The following SMARCC1 variants were observed in gnomAD, a reference collection of about 807,000 sequenced individuals.
SMARCC1 encodes the protein SWI/SNF complex subunit SMARCC1.
SMARCC1 carries 43 observed loss-of-function variants against 147.4 expected under a neutral mutation model. The ratio of observed to expected loss-of-function variants is 0.29; its 90% CI spans 0.23 to 0.38. The LOEUF is 0.38. Ranked by LOEUF, SMARCC1 falls within the 10% of genes least tolerant of loss-of-function variation. The pLI is 1.00. For missense variants in SMARCC1, 1,119 were observed against 1,381.1 expected (o/e 0.81, Z 3.01); for synonymous variants, 495 against 484.4 (o/e 1.02, Z -0.29).
intron 3 of SMARCC1, among the ~76,000 whole-genome samples, chr3:47,744,088 T>G (rs1387731657): frequency 6.6e-6 from 1 of 152,144 alleles, no homozygotes; most frequent in South Asian, 2.1e-4. Context: ...ACATCAGAGC[T>G]AGACACAGAA....
At chr3:47,674,042 T>C (rs1252873271) in intron 18 of SMARCC1, among the ~76,000 whole-genome samples, 4 of 152,354 alleles carry the variant, frequency 2.6e-5, no homozygotes, top group Non-Finnish European at 4.4e-5. Context: ...CAAACTGTTG[T>C]GTCAAATTAT....
At chr3:47,721,879 G>T (rs1393347367) in intron 6 of SMARCC1, among the ~76,000 whole-genome samples, 1 of 152,058 alleles carries the variant, frequency 6.6e-6, no homozygotes, top group African/African-American at 2.4e-5. Context: ...AAATAGCTAG[G>T]CATGGTGGTG....
intron 21 of SMARCC1, among the ~76,000 whole-genome samples, chr3:47,645,776 A>G (rs974345890): frequency 1.3e-5 from 2 of 152,238 alleles, no homozygotes; most frequent in African/African-American, 4.8e-5. Flanking sequence ...ACATTCCAAA[A>G]GGATGACACA....
intron 8 of SMARCC1, among the ~76,000 whole-genome samples, 182 bp downstream of exon 8, chr3:47,714,233 G>A (rs921917242): frequency 4.6e-5 from 7 of 152,162 alleles, no homozygotes; most frequent in Non-Finnish European, 7.3e-5. Context: ...ACGTGGTGGC[G>A]TGTGCCTATA....
At chr3:47,594,568 G>A (rs901743009) in intron 26 of SMARCC1, among the ~76,000 whole-genome samples, 9 of 152,134 alleles carry the variant, frequency 5.9e-5, no homozygotes, top group Non-Finnish European at 8.8e-5. Flanking sequence ...AGGCATACGA[G>A]GGATGAGTGC....
At chr3:47,614,609 T>C (rs1434825069) in intron 25 of SMARCC1, among the ~76,000 whole-genome samples, 2 of 152,184 alleles carry the variant, frequency 1.3e-5, no homozygotes, top group African/African-American at 4.8e-5. Context: ...TATCTTGAAA[T>C]TCCACCCAGA....
At chr3:47,668,665 T>C (rs567539054) in intron 19 of SMARCC1, among the ~76,000 whole-genome samples, 1 of 152,264 alleles carries the variant, frequency 6.6e-6, no homozygotes, top group African/African-American at 2.4e-5. Context: ...TGTGGTATAT[T>C]TGTTTAATAA....
chr3:47,639,726 C>CCAAG (rs1476375945), intron 21 of SMARCC1, among the ~76,000 whole-genome samples: 2 of 150,904 alleles, frequency 1.3e-5, no homozygotes, highest in Non-Finnish European at 2.9e-5. Flanking sequence ...AACCAACCAA[C>CCAAG]CAACCAACCA....
intron 9 of SMARCC1, 99 bp from the exon 10 acceptor site, chr3:47,706,629 CA>C: frequency 9.0e-7 from 1 of 1,110,592 alleles, no homozygotes; most frequent in South Asian, 1.8e-5. Flanking sequence ...AAGACAACAG[CA>C]TATCCTTAGT....
intron 25 of SMARCC1, among the ~76,000 whole-genome samples, chr3:47,615,076 T>A (rs1223402340): frequency 6.6e-6 from 1 of 152,152 alleles, no homozygotes; most frequent in Non-Finnish European, 1.5e-5. Flanking sequence ...TAAGGCCTAA[T>A]CTGATGACAC....
chr3:47,709,722 C>T (rs985236472), intron 9 of SMARCC1, among the ~76,000 whole-genome samples: 28 of 151,862 alleles, frequency 1.8e-4, no homozygotes, highest in Non-Finnish European at 3.8e-4. Context: ...AAAAGTAAAA[C>T]AACACCCCAG....
chr3:47,702,642 AAG>A, intron 10 of SMARCC1, among the ~76,000 whole-genome samples: 1 of 152,328 alleles, frequency 6.6e-6, no homozygotes, highest in East Asian at 1.9e-4. Flanking sequence ...TCTGTTGTCC[AAG>A]CTGGAATGCA....
intron 2 of SMARCC1, among the ~76,000 whole-genome samples, chr3:47,771,982 T>C (rs991313238): frequency 9.3e-4 from 141 of 151,788 alleles, no homozygotes; most frequent in Non-Finnish European, 4.7e-4. Context: ...TTCGGGAGTC[T>C]TGAGGCACAA....
intron 2 of SMARCC1, among the ~76,000 whole-genome samples, chr3:47,751,023 G>A: frequency 6.6e-6 from 1 of 151,588 alleles, no homozygotes; most frequent in East Asian, 2.0e-4. Flanking sequence ...TCAGCCTCCT[G>A]AGTAGCTGGG....
intron 2 of SMARCC1, among the ~76,000 whole-genome samples, chr3:47,756,290 T>C (rs1379476321): frequency 6.6e-6 from 1 of 151,954 alleles, no homozygotes; most frequent in African/African-American, 2.4e-5. Flanking sequence ...TCCTACCACT[T>C]TGGGAGGCCT....
At chr3:47,764,013 C>G (rs374169046) in intron 2 of SMARCC1, among the ~76,000 whole-genome samples, 3 of 151,798 alleles carry the variant, frequency 2.0e-5, no homozygotes, top group Non-Finnish European at 2.9e-5. Flanking sequence ...ACCACTGCAC[C>G]CAGCCTTTCT....
At chr3:47,623,528 T>C (rs761459226) in intron 24 of SMARCC1, among the ~76,000 whole-genome samples, 2 of 152,164 alleles carry the variant, frequency 1.3e-5, no homozygotes, top group Admixed American at 6.5e-5. Context: ...GATTCAGAAA[T>C]GTAGACAAGA....
chr3:47,770,560 T>C (rs1421221278), intron 2 of SMARCC1, among the ~76,000 whole-genome samples: 2 of 151,834 alleles, frequency 1.3e-5, no homozygotes, highest in African/African-American at 4.8e-5. Context: ...GAAGCAGAGG[T>C]CGTGGTGAGC....
chr3:47,598,977 G>T (rs1185122333), intron 26 of SMARCC1, among the ~76,000 whole-genome samples: 1 of 152,132 alleles, frequency 6.6e-6, no homozygotes, highest in Admixed American at 6.6e-5. Flanking sequence ...CAAGCCACCG[G>T]AAGTTGGAAG....
Sources: allele counts gnomAD v4.1 joint callset (sites outside exome capture counted in the v4.1 genomes callset), GRCh38; gene constraint gnomAD v4.1.1; transcripts MANE v1.5; gene names NCBI Gene and HGNC (gene_info 2026-07-23, HGNC 2026-07-21).